Variants in IQSEC1 observed in about 807,000 individuals in gnomAD.
The protein encoded by IQSEC1 is IQ motif and Sec7 domain ArfGEF 1, also known as IQ motif and SEC7 domain-containing protein 1.
Under a neutral mutation model 91.0 loss-of-function variants are expected in IQSEC1, and 31 were observed. The ratio of observed to expected loss-of-function variants is 0.34; its 90% CI spans 0.26 to 0.46. The LOEUF (loss-of-function observed/expected upper bound fraction) is 0.46, where lower values mean the gene tolerates loss of function less well. IQSEC1 is among the 20% of genes least tolerant of loss of function. The pLI is 1.00. For missense variants in IQSEC1, 1,388 were observed against 1,575.6 expected (o/e 0.88, Z 2.02); for synonymous variants, 699 against 662.6 (o/e 1.05, Z -0.84).
rs1385796416 is a variant in IQSEC1 at position 13,207,766 on chromosome 3, C to T, written c.273-43633G>A. On this transcript the variant is annotated intron_variant, in intron 1 of 15. Transcript: ENST00000648114. This position sits in a 1 kb window ranked among gnomAD's most constrained non-coding sequence, Gnocchi z 4.8. The stretch of plus-strand genomic sequence containing the variant: ...CTCCCGGGAGGCTCTCTCTCACCAT[C>T]GCATCTAAACCAACCATCCCTGCCA... Among the ~76,000 whole-genome samples the T allele has an allele frequency of 1.3e-5, 2 of 152,170 alleles. No individual in the cohort carries two copies. The highest frequency in any genetic ancestry group is 2.9e-5 in the Non-Finnish European group (2 of 68,034).
rs141156309 is a variant in IQSEC1 at position 13,079,041 on chromosome 3, C to T, written c.303-31519G>A. ...AAGTACGATTTAGAGAGAAGCACTG[C>T]TCTCCTGAGGCCCTCACAAGGCCCT... is the stretch of plus-strand genomic sequence containing the variant. On this transcript the variant is annotated intron_variant, in intron 2 of 15. Transcript: ENST00000648114. Among the ~76,000 whole-genome samples, 19 of 152,384 alleles carry T rather than the reference C, an allele frequency of 1.2e-4. No homozygotes were observed. The East Asian group carries it at 3.7e-3, about 29-fold the overall frequency.
At chr3:13,110,383 G>C (rs1706223508) in intron 2 of IQSEC1, among the ~76,000 whole-genome samples, 4 of 151,950 alleles carry the variant, frequency 2.6e-5, no homozygotes, top group Admixed American at 2.0e-4. Context: ...GAGGTCAGGA[G>C]ATCGAGACCA....
chr3:13,153,056 C>T (rs1707026596), intron 2 of IQSEC1, among the ~76,000 whole-genome samples: 1 of 151,138 alleles, frequency 6.6e-6, no homozygotes, highest in Non-Finnish European at 1.5e-5. Flanking sequence ...TTTCTTTCCC[C>T]TCCCCTATCT....
intron 1 of IQSEC1, among the ~76,000 whole-genome samples, chr3:13,252,826 G>A (rs960720145): frequency 2.6e-5 from 4 of 152,002 alleles, no homozygotes; most frequent in Non-Finnish European, 5.9e-5. Flanking sequence ...TCCGCTTCCC[G>A]GGTTCACGCC....
At chr3:12,912,791 G>A (rs968338741) in intron 9 of IQSEC1, among the ~76,000 whole-genome samples, 3 of 151,576 alleles carry the variant, frequency 2.0e-5, no homozygotes, top group Non-Finnish European at 2.9e-5. Flanking sequence ...GGGCACTTCT[G>A]CCCCCGTCTG....
Position 12,924,774 on chromosome 3 carries a change from A to G in IQSEC1, c.1569-32T>C. 1.2e-5 allele frequency: 18 copies of G among 1,517,342 alleles called. No homozygotes were observed. The highest frequency in any genetic ancestry group is 1.6e-5 in the Non-Finnish European group (18 of 1,127,934). The allele number at this position is 1,517,342 out of a possible 1,614,324, so 94.0% of individuals were successfully genotyped here. On this transcript the variant is annotated intron_variant, in intron 3 of 13. Coordinates refer to ENST00000613206, the MANE Select transcript of IQSEC1 (RefSeq NM_001134382.3). The surrounding 1 kb of genome is among the most constrained non-coding windows in gnomAD (Gnocchi z 6.3). ...TAGGACGAGAGGCACACTCAGTCCCAGCTGCCCGGCCACCAGCCAGGCACC... is the reference window on the plus strand; with the variant it reads ...TAGGACGAGAGGCACACTCAGTCCCGGCTGCCCGGCCACCAGCCAGGCACC...
chr3:13,273,157 C>T (rs1464992089), intron 1 of IQSEC1, among the ~76,000 whole-genome samples: 1 of 152,202 alleles, frequency 6.6e-6, no homozygotes, highest in African/African-American at 2.4e-5. Flanking sequence ...AAGACAAAGA[C>T]AGGTGGTGCA....
intron 5 of IQSEC1, among the ~76,000 whole-genome samples, chr3:12,921,618 G>T (rs2125179275): frequency 6.6e-6 from 1 of 152,358 alleles, no homozygotes; most frequent in African/African-American, 2.4e-5. Flanking sequence ...GTGAAGAAAT[G>T]AGGCACAGAG....
chr3:13,001,474 T>C (rs1206712721), intron 1 of IQSEC1, among the ~76,000 whole-genome samples: 9 of 152,196 alleles, frequency 5.9e-5, no homozygotes, highest in Admixed American at 3.9e-4. Flanking sequence ...TTAGAAACAC[T>C]GCATCCAGTG....
At chr3:12,906,994 A>G (rs1334113964) in intron 12 of IQSEC1, among the ~76,000 whole-genome samples, 1 of 152,146 alleles carries the variant, frequency 6.6e-6, no homozygotes, top group Non-Finnish European at 1.5e-5. Flanking sequence ...GATACCTGGC[A>G]ATTTCTGGAG....
chr3:13,179,582 A>G lies in IQSEC1; in HGVS notation c.273-15449T>C, dbSNP rs984659103. Among the ~76,000 whole-genome samples, 156 of 152,394 alleles carry G rather than the reference A, an allele frequency of 1.0e-3. 2 individuals are homozygous for G. The highest frequency in any genetic ancestry group is 2.6e-4 in the Non-Finnish European group (18 of 68,046). On this transcript the variant is annotated intron_variant, in intron 1 of 15. Coordinates refer to the IQSEC1 transcript ENST00000648114. ...TAACAGAGCTTCAAAATGAGAGGTG[A>G]CAGCGTGCTGGCAGTCCTCACAGCC... is the stretch of plus-strand genomic sequence containing the variant.
At chr3:13,021,227 C>T (rs542098422) in intron 1 of IQSEC1, among the ~76,000 whole-genome samples, 4 of 152,206 alleles carry the variant, frequency 2.6e-5, no homozygotes, top group Non-Finnish European at 5.9e-5. Context: ...TGGCTTCCTG[C>T]GCCCTGGTCT....
chr3:12,903,922 C>T (rs995577322), intron 12 of IQSEC1, among the ~76,000 whole-genome samples: 1 of 152,226 alleles, frequency 6.6e-6, no homozygotes, highest in African/African-American at 2.4e-5. Flanking sequence ...TCACAGGCAG[C>T]AGGGTTCACA....
At chr3:13,156,866 G>T (rs946356528) in intron 2 of IQSEC1, among the ~76,000 whole-genome samples, 1 of 152,214 alleles carries the variant, frequency 6.6e-6, no homozygotes, top group Non-Finnish European at 1.5e-5. Context: ...ACAGGCAAAG[G>T]CCCTGGGACA....
chr3:13,114,769 G>A (rs1429675712), intron 2 of IQSEC1, among the ~76,000 whole-genome samples: 2 of 150,058 alleles, frequency 1.3e-5, no homozygotes, highest in African/African-American at 5.0e-5. Flanking sequence ...CTCCAGCCTG[G>A]GTGACAGAGT....
chr3:13,026,053 C>T (rs560624055), intron 1 of IQSEC1, among the ~76,000 whole-genome samples: 1 of 152,368 alleles, frequency 6.6e-6, no homozygotes, highest in Non-Finnish European at 1.5e-5. Context: ...CTCCCACTGC[C>T]TCCTGGTTCC....
At chr3:13,089,700 T>C (rs1705804226) in intron 2 of IQSEC1, among the ~76,000 whole-genome samples, 1 of 152,180 alleles carries the variant, frequency 6.6e-6, no homozygotes, top group African/African-American at 2.4e-5. Context: ...CTTCTATGAT[T>C]CGAATGGTGT....
At chr3:13,113,578 G>A (rs1266845619) in intron 2 of IQSEC1, among the ~76,000 whole-genome samples, 1 of 121,220 alleles carries the variant, frequency 8.2e-6, no homozygotes, top group African/African-American at 3.3e-5. Flanking sequence ...ATAGGGAGGT[G>A]GGGCGCGGAG....
intron 1 of IQSEC1, among the ~76,000 whole-genome samples, chr3:13,040,958 G>A (rs928428415): frequency 7.2e-5 from 11 of 152,050 alleles, no homozygotes; most frequent in East Asian, 3.9e-4. Context: ...GGACTCCGGC[G>A]TCTGCATGGA....
Sources: allele counts gnomAD v4.1 joint callset (sites outside exome capture counted in the v4.1 genomes callset), GRCh38; gene constraint gnomAD v4.1.1; non-coding constraint Gnocchi (gnomAD v3.1); transcripts MANE v1.5; gene names NCBI Gene and HGNC (gene_info 2026-07-23, HGNC 2026-07-21).